The following ADGB variants were observed in gnomAD, a reference collection of about 807,000 sequenced individuals.
The protein encoded by ADGB is androglobin.
ADGB carries 172 observed loss-of-function variants against 210.5 expected under a neutral mutation model. The ratio of observed to expected loss-of-function variants is 0.82; its 90% CI spans 0.72 to 0.93. The LOEUF is 0.93. ADGB is among the 40% of genes least tolerant of loss of function. ADGB has a pLI of 0.00. For missense variants in ADGB, 2,025 were observed against 1,964.8 expected (o/e 1.03, Z -0.58); for synonymous variants, 658 against 662.7 (o/e 0.99, Z 0.11).
chr6:146,780,103 G>T (rs1777777684), intron 29 of ADGB, among the ~76,000 whole-genome samples: 1 of 151,706 alleles, frequency 6.6e-6, no homozygotes. Context: ...CATAAAGGGG[G>T]ACAGAAATAC....
intron 35 of ADGB, among the ~76,000 whole-genome samples, chr6:146,810,542 C>A (rs576824250): frequency 1.3e-5 from 2 of 152,036 alleles, no homozygotes; most frequent in African/African-American, 4.8e-5. Flanking sequence ...GATATGGAAA[C>A]AGCCTAAGTG....
chr6:146,604,581 ATC>A (rs1483516064), intron 1 of ADGB, among the ~76,000 whole-genome samples: 1 of 151,978 alleles, frequency 6.6e-6, no homozygotes, highest in African/African-American at 2.4e-5. Flanking sequence ...AAAAAAAAAG[ATC>A]AACTTCAGTG....
chr6:146,715,938 T>G (rs1472707323), intron 14 of ADGB, among the ~76,000 whole-genome samples: 1 of 151,202 alleles, frequency 6.6e-6, no homozygotes, highest in African/African-American at 2.4e-5. Context: ...CATGGTGGTG[T>G]GTGCCTGTAA....
At chr6:146,704,375 T>A (rs1004755209) in intron 13 of ADGB, among the ~76,000 whole-genome samples, 8 of 151,996 alleles carry the variant, frequency 5.3e-5, no homozygotes, top group African/African-American at 1.7e-4. Context: ...TTAAAACTTG[T>A]TGCCCAGGCC....
intron 27 of ADGB, among the ~76,000 whole-genome samples, chr6:146,756,433 C>T (rs1366266557): frequency 6.6e-6 from 1 of 151,998 alleles, no homozygotes; most frequent in African/African-American, 2.4e-5. Flanking sequence ...CAGGCTGTGA[C>T]CTTAATCAAG....
chr6:146,762,988 C>G (rs935470340), intron 27 of ADGB, among the ~76,000 whole-genome samples: 2 of 152,168 alleles, frequency 1.3e-5, no homozygotes, highest in African/African-American at 2.4e-5. Flanking sequence ...TATTTCTGAG[C>G]TCCTTAACTG....
chr6:146,619,641 G>C (rs1780860774), intron 1 of ADGB, among the ~76,000 whole-genome samples: 1 of 152,008 alleles, frequency 6.6e-6, no homozygotes, highest in Admixed American at 6.6e-5. Context: ...TGATCACAGT[G>C]AAAGCAACAA....
At chr6:146,695,390 T>C (rs1005652347) in intron 12 of ADGB, among the ~76,000 whole-genome samples, 1 of 151,992 alleles carries the variant, frequency 6.6e-6, no homozygotes, top group South Asian at 2.1e-4. Context: ...AGTTAGCATA[T>C]GGGCTTTGTA....
chr6:146,647,039 A>G (rs1285155548), intron 3 of ADGB, among the ~76,000 whole-genome samples: 2 of 150,836 alleles, frequency 1.3e-5, no homozygotes, highest in Admixed American at 6.6e-5. Context: ...CAGTGAGCCA[A>G]GATTGCGCCA....
chr6:146,750,604 G>A (rs1427399671), intron 26 of ADGB, among the ~76,000 whole-genome samples: 1 of 152,044 alleles, frequency 6.6e-6, no homozygotes, highest in Non-Finnish European at 1.5e-5. Flanking sequence ...TGAGAGACAT[G>A]ATACTCAGAA....
intron 1 of ADGB, among the ~76,000 whole-genome samples, chr6:146,604,176 A>C (rs1780600962): frequency 6.6e-6 from 1 of 152,182 alleles, no homozygotes; most frequent in African/African-American, 2.4e-5. Context: ...AAAGTTCTAC[A>C]ATGTGGCCGA....
At chr6:146,632,785 C>T (rs1182157651) in intron 1 of ADGB, among the ~76,000 whole-genome samples, 1 of 152,102 alleles carries the variant, frequency 6.6e-6, no homozygotes, top group Admixed American at 6.6e-5. Context: ...AATATTTGTT[C>T]CTGCTACATA....
chr6:146,749,317 G>T (rs1203598613), intron 26 of ADGB, among the ~76,000 whole-genome samples: 1 of 152,088 alleles, frequency 6.6e-6, no homozygotes, highest in Non-Finnish European at 1.5e-5. Context: ...ACATTGATTT[G>T]GGAGTCATTA....
At chr6:146,803,505 CACTTTACG>C (rs1393663124) in intron 35 of ADGB, 1 of 1,601,316 alleles carries the variant, frequency 6.2e-7, no homozygotes, top group African/African-American at 1.4e-5. Context: ...TGCGATAGAT[CACTTTACG>C]AAGTTTATCT....
In ADGB at chr6:146,734,324, A is replaced by C. The variant is rs540677671; in HGVS notation, c.2794+294A>C. 6.6e-5 allele frequency among the ~76,000 whole-genome samples: 10 copies of C among 152,320 alleles called. No individual in the cohort carries two copies. The South Asian group carries it at 1.9e-3, about 28-fold the overall frequency. ...TCCCAATCTATTGCAAGTTCTTTTAAAACAGGGAACTGGTCTTTTTCTGTA... is the reference window on the plus strand; with the variant it reads ...TCCCAATCTATTGCAAGTTCTTTTACAACAGGGAACTGGTCTTTTTCTGTA... On this transcript the variant is annotated intron_variant, in intron 22 of 35. Transcript: ENST00000397944.
intron 3 of ADGB, among the ~76,000 whole-genome samples, chr6:146,649,070 A>G (rs1390913239): frequency 4.6e-5 from 7 of 151,692 alleles, no homozygotes; most frequent in Non-Finnish European, 1.0e-4. Context: ...TCTCATTTTT[A>G]TGTACTCAAT....
intron 27 of ADGB, among the ~76,000 whole-genome samples, chr6:146,760,901 A>T (rs1245095450): frequency 1.3e-5 from 2 of 151,940 alleles, no homozygotes; most frequent in African/African-American, 2.4e-5. Context: ...TAACTTATTG[A>T]TTGAAGGATT....
rs73571863 is a variant in ADGB, at chr6:146,671,293, G to A, written c.840-927G>A. Among the ~76,000 whole-genome samples, 1,068 of 152,244 alleles carry A rather than the reference G, an allele frequency of 7.0e-3. 14 individuals are homozygous for A. The highest frequency in any genetic ancestry group is 0.024 in the African/African-American group (1,002 of 41,530). Reference sequence around the variant, plus strand: ...TGGAACAGCGAGACTGGCTTGTGCAGTATTCTTGAGGGGGGTCTTCTGAGG... The same window carrying A: ...TGGAACAGCGAGACTGGCTTGTGCAATATTCTTGAGGGGGGTCTTCTGAGG... On this transcript the variant is annotated intron_variant, in intron 7 of 35. Transcript: ENST00000397944.
At chr6:146,799,268 G>C (rs953621825) in intron 33 of ADGB, among the ~76,000 whole-genome samples, 7 of 151,900 alleles carry the variant, frequency 4.6e-5, no homozygotes, top group Non-Finnish European at 4.4e-5. Context: ...ACATGTACAA[G>C]ACTCCTAGAA....
Sources: allele counts gnomAD v4.1 joint callset (sites outside exome capture counted in the v4.1 genomes callset), GRCh38; gene constraint gnomAD v4.1.1; transcripts MANE v1.5; gene names NCBI Gene and HGNC (gene_info 2026-07-23, HGNC 2026-07-21).